The following WDFY3 variants were observed in gnomAD, a reference collection of about 807,000 sequenced individuals.
WDFY3 encodes WD repeat and FYVE domain containing 3, also known as WD repeat and FYVE domain-containing protein 3.
In WDFY3, 66 loss-of-function variants were observed where a neutral mutation model predicts 409.6. The ratio of observed to expected loss-of-function variants is 0.16; its 90% CI spans 0.13 to 0.20. WDFY3 has a LOEUF of 0.20. WDFY3 is among the 10% of genes least tolerant of loss of function. The probability of loss-of-function intolerance (pLI) is 1.00; values close to 1 mark genes in which losing one functional copy is unlikely to be tolerated. For synonymous variants in WDFY3, 1,521 were observed against 1,537.1 expected, an observed-to-expected ratio of 0.99 and a Z score of 0.25; for missense variants, 3,031 against 4,298.1, an observed-to-expected ratio of 0.71 and a Z score of 8.24.
Position 84,783,027 on chromosome 4 carries a change from G to A in WDFY3, c.4110C>T (p.His1370=), listed in dbSNP as rs1186511608. ...ATCCATTAAGATGTCCTGCTGAATT[G>A]TGTATCAACTTCACAGGAGTGGCAT... ...HENATPVKLI[H]NSAGHLNGSA... The change falls in exon 25 of 68, where the codon CAC becomes CAT. Residue 1370 remains histidine (H), a synonymous_variant. Coordinates refer to ENST00000295888, the MANE Select transcript of WDFY3 (RefSeq NM_014991.6). The A allele has an allele frequency of 1.2e-6, 2 of 1,614,164 alleles. No homozygotes were observed. Among genetic ancestry groups the A allele is most frequent in the Admixed American group, 3.3e-5 (2 of 60,016 alleles).
chr4:84,860,971 G>A (rs1760531168), intron 3 of WDFY3, among the ~76,000 whole-genome samples: 1 of 152,130 alleles, frequency 6.6e-6, no homozygotes, highest in Non-Finnish European at 1.5e-5. Flanking sequence ...AGCACTTTTG[G>A]AGGCCGAGGC....
At chr4:84,780,712 C>T (rs550616428) in intron 25 of WDFY3, among the ~76,000 whole-genome samples, 61 of 151,860 alleles carry the variant, frequency 4.0e-4, no homozygotes, top group Non-Finnish European at 7.5e-4. Flanking sequence ...TGCAGTGAGC[C>T]GAGATCGCGC....
intron 9 of WDFY3, among the ~76,000 whole-genome samples, chr4:84,827,579 T>C (rs996585263): frequency 2.6e-5 from 4 of 152,184 alleles, no homozygotes; most frequent in Admixed American, 6.5e-5. Flanking sequence ...ATTTGGATTA[T>C]ATCTTTAGGA....
At chr4:84,779,122 TTAGAGTA>T (rs1482115988) in intron 26 of WDFY3, among the ~76,000 whole-genome samples, 1 of 152,210 alleles carries the variant, frequency 6.6e-6, no homozygotes, top group Non-Finnish European at 1.5e-5. Context: ...TATGGAATGC[TTAGAGTA>T]TAATTAGTCA....
intron 1 of WDFY3, among the ~76,000 whole-genome samples, chr4:84,942,998 C>T (rs1772336632): frequency 1.3e-5 from 2 of 152,020 alleles, no homozygotes. Context: ...ACTGTGTTGT[C>T]CAATTATATG....
chr4:84,821,561 A>T lies in WDFY3; in HGVS notation c.1124-10T>A. On this transcript the variant is annotated splice_polypyrimidine_tract_variant and intron_variant, in intron 10 of 67. Transcript: ENST00000295888. Reference sequence around the variant, plus strand: ...TTTCTCACACTGTGACCTAGAACAGAAAAGAAAAACATAAAAGTAGGTACT... The same window carrying T: ...TTTCTCACACTGTGACCTAGAACAGTAAAGAAAAACATAAAAGTAGGTACT... The T allele has an allele frequency of 6.3e-7, 1 of 1,592,046 alleles. No homozygotes were observed.
chr4:84,761,413 G>A (rs570033047), intron 32 of WDFY3, among the ~76,000 whole-genome samples: 1 of 152,220 alleles, frequency 6.6e-6, no homozygotes, highest in African/African-American at 2.4e-5. Context: ...GGGTGTTAAA[G>A]TCTCCCATTA....
chr4:84,761,017 G>C (rs965518670), intron 32 of WDFY3, among the ~76,000 whole-genome samples: 49 of 151,208 alleles, frequency 3.2e-4, no homozygotes, highest in East Asian at 1.9e-4. Context: ...CTTTGTTCTC[G>C]TTGGTTTCAA....
intron 1 of WDFY3, among the ~76,000 whole-genome samples, chr4:84,937,497 T>C (rs900088209): frequency 2.0e-5 from 3 of 152,144 alleles, no homozygotes; most frequent in Non-Finnish European, 4.4e-5. Flanking sequence ...ATAGTTACTA[T>C]TTTGGTCAAA....
intron 2 of WDFY3, among the ~76,000 whole-genome samples, chr4:84,904,613 T>C (rs1303966075): frequency 6.6e-6 from 1 of 152,178 alleles, no homozygotes; most frequent in Non-Finnish European, 1.5e-5. Flanking sequence ...TGTGCTGCAG[T>C]TTGTGCAGGT....
At chr4:84,933,315 G>C (rs1288224232) in intron 1 of WDFY3, among the ~76,000 whole-genome samples, 1 of 151,952 alleles carries the variant, frequency 6.6e-6, no homozygotes, top group African/African-American at 2.4e-5. Flanking sequence ...ACCTAGTTTT[G>C]CTGGTTTATC....
At chr4:84,813,078 T>C (rs899912154) in intron 13 of WDFY3, among the ~76,000 whole-genome samples, 2 of 152,142 alleles carry the variant, frequency 1.3e-5, no homozygotes, top group African/African-American at 4.8e-5. Flanking sequence ...TAATTACAAA[T>C]TAAATGACAT....
intron 46 of WDFY3, among the ~76,000 whole-genome samples, chr4:84,722,666 C>A (rs565436370): frequency 6.6e-6 from 1 of 152,134 alleles, no homozygotes; most frequent in Non-Finnish European, 1.5e-5. Context: ...AGTGAGGACC[C>A]AAAGTATGAG....
chr4:84,705,337 TA>T, intron 54 of WDFY3, 56 bp downstream of exon 54: 1 of 1,414,368 alleles, frequency 7.1e-7, no homozygotes, highest in Non-Finnish European at 1.0e-6. Context: ...GACCGCTACA[TA>T]ATGACTTACT....
intron 1 of WDFY3, among the ~76,000 whole-genome samples, chr4:84,952,490 A>T (rs1355687337): frequency 6.6e-6 from 1 of 152,156 alleles, no homozygotes; most frequent in Non-Finnish European, 1.5e-5. Context: ...AGGCAAAAAC[A>T]ACACCCCTTT....
intron 27 of WDFY3, 147 bp from the exon 28 acceptor site, chr4:84,775,285 A>C: frequency 1.4e-6 from 1 of 701,968 alleles, no homozygotes. Flanking sequence ...ATATGCAGAA[A>C]AAAAATCATT....
intron 13 of WDFY3, among the ~76,000 whole-genome samples, chr4:84,816,818 G>T (rs1753370866): frequency 6.6e-6 from 1 of 151,948 alleles, no homozygotes. Flanking sequence ...AAATCTGGGG[G>T]TCGGTTCTAC....
intron 1 of WDFY3, among the ~76,000 whole-genome samples, chr4:84,951,839 C>G (rs72664967): frequency 0.11 from 17,424 of 152,132 alleles, 1,217 homozygotes; most frequent in South Asian, 0.24. Context: ...TGTCAATAAG[C>G]AGGGTAGGAA....
chr4:84,860,574 C>T lies in WDFY3; in HGVS notation c.18G>A (p.Arg6=), dbSNP rs1411900099. The T allele has an allele frequency of 2.5e-6, 4 of 1,608,672 alleles. No homozygotes were observed. Among genetic ancestry groups the T allele is most frequent in the Non-Finnish European group, 2.6e-6 (3 of 1,176,418 alleles). MNMVK[R]IMGRPRQEEC... ...CCTCCTGCCTCGGCCGCCCCATGAT[C>T]CTCTTCACCATGTTCATCTTGGCTG... Residue 6 remains arginine, a synonymous_variant, in exon 4 of 68, where the codon AGG becomes AGA. Coordinates refer to ENST00000295888, the MANE Select transcript of WDFY3 (RefSeq NM_014991.6).
Sources: allele counts gnomAD v4.1 joint callset (sites outside exome capture counted in the v4.1 genomes callset), GRCh38; gene constraint gnomAD v4.1.1; transcripts MANE v1.5; gene names NCBI Gene and HGNC (gene_info 2026-07-23, HGNC 2026-07-21).